DOCK5: variants seen among roughly 807,000 people sequenced by gnomAD.
The protein encoded by DOCK5 is dedicator of cytokinesis protein 5.
Under a neutral mutation model 251.8 loss-of-function variants are expected in DOCK5, and 142 were observed. The ratio of observed to expected loss-of-function variants is 0.56; its 90% CI spans 0.49 to 0.65. The LOEUF is 0.65. DOCK5 is among the 30% of genes least tolerant of loss of function. The probability of loss-of-function intolerance (pLI) is 0.00; values close to 1 mark genes in which losing one functional copy is unlikely to be tolerated. For missense variants in DOCK5, 2,111 were observed against 2,312.3 expected (o/e 0.91, Z 1.79); for synonymous variants, 842 against 835.5 (o/e 1.01, Z -0.13).
chr8:25,239,748 C>T (rs1054864126), intron 1 of DOCK5, among the ~76,000 whole-genome samples: 2 of 152,154 alleles, frequency 1.3e-5, no homozygotes, highest in African/African-American at 2.4e-5. Flanking sequence ...ACTTCTGAAT[C>T]GCGTGCGATT....
chr8:25,340,779 G>T, intron 22 of DOCK5, 98 bp from the exon 23 acceptor site: 1 of 929,688 alleles, frequency 1.1e-6, no homozygotes, highest in Non-Finnish European at 1.7e-6. Context: ...AATGATTAGG[G>T]TGATACGATG....
chr8:25,187,499 G>A (rs1396562578), intron 1 of DOCK5, among the ~76,000 whole-genome samples: 1 of 151,618 alleles, frequency 6.6e-6, no homozygotes, highest in African/African-American at 2.4e-5. Context: ...TGGTTTGTCT[G>A]GGTTTGACAA....
At chr8:25,356,866 C>A in intron 27 of DOCK5, among the ~76,000 whole-genome samples, 1 of 138,282 alleles carries the variant, frequency 7.2e-6, no homozygotes. Flanking sequence ...TACAAGAAAA[C>A]AATTTTACTA....
intron 1 of DOCK5, among the ~76,000 whole-genome samples, chr8:25,230,012 A>G (rs1282129500): frequency 1.3e-5 from 2 of 151,850 alleles, no homozygotes; most frequent in African/African-American, 4.9e-5. Flanking sequence ...TGAAAACTGC[A>G]ATTGGATCTA....
At chr8:25,342,643 C>A in intron 25 of DOCK5, 136 bp downstream of exon 25, 1 of 394,042 alleles carries the variant, frequency 2.5e-6, no homozygotes, top group Admixed American at 4.1e-5. Context: ...ATGACAGCCC[C>A]ATTTCTGCAG....
intron 21 of DOCK5, among the ~76,000 whole-genome samples, chr8:25,334,670 C>T (rs1046983237): frequency 1.3e-5 from 2 of 151,680 alleles, no homozygotes; most frequent in Admixed American, 6.6e-5. Flanking sequence ...TGTGATCATG[C>T]CATTGCACTC....
chr8:25,256,670 T>C (rs1220674429), intron 2 of DOCK5, among the ~76,000 whole-genome samples: 2 of 150,106 alleles, frequency 1.3e-5, no homozygotes, highest in Non-Finnish European at 3.0e-5. Context: ...GAATCTGTTA[T>C]AGTTGGAATT....
At chr8:25,392,965 T>G in intron 44 of DOCK5, 83 bp downstream of exon 44, 4 of 1,211,318 alleles carry the variant, frequency 3.3e-6, no homozygotes, top group Non-Finnish European at 4.8e-6. Flanking sequence ...CCCTCTGCAG[T>G]TCACACCAGC....
intron 1 of DOCK5, among the ~76,000 whole-genome samples, chr8:25,239,205 C>T (rs1802878045): frequency 1.3e-5 from 2 of 152,126 alleles, no homozygotes; most frequent in South Asian, 4.2e-4. Context: ...TGGAATTTCG[C>T]AGATAGTGGA....
At chr8:25,202,876 G>A (rs1238261650) in intron 1 of DOCK5, among the ~76,000 whole-genome samples, 2 of 152,130 alleles carry the variant, frequency 1.3e-5, no homozygotes, top group Non-Finnish European at 2.9e-5. Context: ...TACCCCGGCA[G>A]TTTGTTTTTG....
chr8:25,362,960 A>G (rs1450388383), intron 28 of DOCK5, 87 bp from the exon 29 acceptor site: 1 of 938,230 alleles, frequency 1.1e-6, no homozygotes, highest in African/African-American at 1.6e-5. Context: ...TCCTGTTCTG[A>G]GGTTGTGGTT....
intron 20 of DOCK5, among the ~76,000 whole-genome samples, chr8:25,333,547 T>C (rs1805731719): frequency 6.6e-6 from 1 of 152,074 alleles, no homozygotes; most frequent in South Asian, 2.1e-4. Flanking sequence ...TGGGCATAGA[T>C]GGAAATCCCA....
chr8:25,232,069 C>T (rs1802680788), intron 1 of DOCK5, among the ~76,000 whole-genome samples: 1 of 152,124 alleles, frequency 6.6e-6, no homozygotes, highest in African/African-American at 2.4e-5. Context: ...CTATTGTATT[C>T]AAAGAAAATG....
intron 37 of DOCK5, chr8:25,375,269 T>C (rs1253643116): frequency 1.2e-5 from 2 of 161,446 alleles, no homozygotes; most frequent in African/African-American, 4.8e-5. Flanking sequence ...TTCCCATCCA[T>C]TTAGTTGCTC....
intron 37 of DOCK5, chr8:25,375,060 A>G: frequency 1.3e-5 from 12 of 926,964 alleles, no homozygotes; most frequent in Non-Finnish European, 1.5e-5. Context: ...GTTTAGATAT[A>G]AATACATCTA....
At chr8:25,319,262 G>A (rs1376882868) in intron 14 of DOCK5, among the ~76,000 whole-genome samples, 3 of 152,212 alleles carry the variant, frequency 2.0e-5, no homozygotes, top group Non-Finnish European at 4.4e-5. Flanking sequence ...CATGTTCCCT[G>A]AGAGAGAAGA....
At chr8:25,218,892 T>C (rs987408884) in intron 1 of DOCK5, among the ~76,000 whole-genome samples, 15 of 152,200 alleles carry the variant, frequency 9.9e-5, no homozygotes, top group African/African-American at 3.6e-4. Flanking sequence ...TGCATGCATA[T>C]ACTTTTTAAA....
At chr8:25,330,647 G>A (rs1024007431) in intron 18 of DOCK5, among the ~76,000 whole-genome samples, 1 of 152,272 alleles carries the variant, frequency 6.6e-6, no homozygotes, top group South Asian at 2.1e-4. Context: ...CTGTAGACAC[G>A]AGGAATCCCT....
intron 27 of DOCK5, among the ~76,000 whole-genome samples, chr8:25,353,187 A>G (rs1800501796): frequency 6.6e-6 from 1 of 152,146 alleles, no homozygotes; most frequent in African/African-American, 2.4e-5. Flanking sequence ...AATTTTTTAA[A>G]AAATTAGCCA....
Sources: gnomAD v4.1 joint callset for allele counts (sites outside exome capture counted in the v4.1 genomes callset) on GRCh38, gnomAD v4.1.1 for gene constraint, MANE v1.5 for transcripts, NCBI Gene and HGNC (gene_info 2026-07-23, HGNC 2026-07-21) for gene names.